TBXAS1: variants seen among roughly 807,000 people sequenced by gnomAD.
The protein encoded by TBXAS1 is thromboxane A synthase 1, also known as thromboxane-A synthase.
In TBXAS1, 48 loss-of-function variants were observed where a neutral mutation model predicts 60.7. That is an observed-to-expected ratio of 0.79 (90% CI 0.63 to 1.01). The LOEUF (loss-of-function observed/expected upper bound fraction) is 1.01, where lower values mean the gene tolerates loss of function less well. Ranked by LOEUF, TBXAS1 falls within the 50% of genes least tolerant of loss-of-function variation. TBXAS1 has a pLI of 0.00. For synonymous variants in TBXAS1, 287 were observed against 269.7 expected, an observed-to-expected ratio of 1.06 and a Z score of -0.63; for missense variants, 685 against 686.3, an observed-to-expected ratio of 1.00 and a Z score of 0.02.
At chr7:139,958,473 T>A (rs1810051130) in intron 8 of TBXAS1, among the ~76,000 whole-genome samples, 1 of 152,228 alleles carries the variant, frequency 6.6e-6, no homozygotes, top group African/African-American at 2.4e-5. Flanking sequence ...ATCTGGGCTT[T>A]AAAGCCCTTG....
At chr7:139,971,154 G>A (rs1391832532) in intron 9 of TBXAS1, among the ~76,000 whole-genome samples, 1 of 152,132 alleles carries the variant, frequency 6.6e-6, no homozygotes, top group Non-Finnish European at 1.5e-5. Flanking sequence ...GGAAGCATCT[G>A]GCCCTGGGAA....
At chr7:139,946,231 T>C (rs934136510) in intron 5 of TBXAS1, among the ~76,000 whole-genome samples, 2 of 152,144 alleles carry the variant, frequency 1.3e-5, no homozygotes, top group Non-Finnish European at 2.9e-5. Context: ...ATATTAATAC[T>C]TGAGGGGCTG....
intron 9 of TBXAS1, among the ~76,000 whole-genome samples, chr7:139,988,654 T>C (rs1412339877): frequency 1.6e-4 from 24 of 151,958 alleles, no homozygotes; most frequent in Non-Finnish European, 7.4e-5. Flanking sequence ...GCCTGGCCCC[T>C]CCAAAGCCTC....
chr7:139,820,083 G>T (rs1278357923), intron 4 of TBXAS1, among the ~76,000 whole-genome samples: 2 of 151,936 alleles, frequency 1.3e-5, no homozygotes, highest in Non-Finnish European at 2.9e-5. Context: ...GTCTCCTTAT[G>T]CCTGCTCCCA....
intron 4 of TBXAS1, among the ~76,000 whole-genome samples, chr7:139,806,468 G>A (rs924103583): frequency 4.0e-5 from 6 of 151,234 alleles, no homozygotes; most frequent in African/African-American, 1.5e-4. Context: ...TTGCCATGTT[G>A]CCCAGGCTGG....
rs75348102 is a variant in TBXAS1, at chr7:139,804,968, A to G, written c.-80+17542A>G. ...GAGGAAAGATCTCTCTTGACTATGC[A>G]TTCCCCCAAAAGTAATGTGAATGGA... On this transcript the variant is annotated intron_variant, in intron 4 of 16. Transcript: ENST00000336425. Among the ~76,000 whole-genome samples the G allele has an allele frequency of 1.8e-3, 274 of 152,358 alleles. 2 individuals are homozygous for G. Among genetic ancestry groups the G allele is most frequent in the African/African-American group, 6.4e-3 (266 of 41,586 alleles).
At chr7:139,894,423 G>C (rs1803913505) in intron 3 of TBXAS1, among the ~76,000 whole-genome samples, 2 of 152,054 alleles carry the variant, frequency 1.3e-5, no homozygotes, top group Non-Finnish European at 2.9e-5. Flanking sequence ...TGTGACTGGA[G>C]CCCTCATTAA....
At chr7:139,890,544 AT>A (rs983922028) in intron 3 of TBXAS1, among the ~76,000 whole-genome samples, 7 of 152,000 alleles carry the variant, frequency 4.6e-5, no homozygotes, top group Non-Finnish European at 1.0e-4. Context: ...ACCACAGAAC[AT>A]TTTTCCCCCC....
intron 3 of TBXAS1, among the ~76,000 whole-genome samples, chr7:139,887,863 G>C (rs1803239684): frequency 6.6e-6 from 1 of 152,154 alleles, no homozygotes; most frequent in Non-Finnish European, 1.5e-5. Context: ...TTTCCATAGT[G>C]ACCATACCAT....
intron 9 of TBXAS1, among the ~76,000 whole-genome samples, chr7:139,976,046 C>G (rs1231046120): frequency 6.6e-6 from 1 of 152,244 alleles, no homozygotes; most frequent in Non-Finnish European, 1.5e-5. Context: ...TGGGTTCCAT[C>G]CCTCTGGGAT....
chr7:139,943,738 G>A (rs1356267342), intron 5 of TBXAS1, among the ~76,000 whole-genome samples: 3 of 152,192 alleles, frequency 2.0e-5, no homozygotes, highest in African/African-American at 4.8e-5. Flanking sequence ...AAAAGGAGTC[G>A]TGGATGTTTT....
At chr7:139,985,256 C>A (rs1387643677) in intron 9 of TBXAS1, among the ~76,000 whole-genome samples, 1 of 152,250 alleles carries the variant, frequency 6.6e-6, no homozygotes, top group Non-Finnish European at 1.5e-5. Flanking sequence ...CCTCTGGCTT[C>A]TGCAGCTTTT....
At chr7:140,011,281 AAAACAAAC>A (rs71831377) in intron 10 of TBXAS1, among the ~76,000 whole-genome samples, 8 of 144,468 alleles carry the variant, frequency 5.5e-5, no homozygotes, top group South Asian at 2.2e-4. Context: ...TGTCTCAAAA[AAAACAAAC>A]AAACAAACAA....
intron 3 of TBXAS1, among the ~76,000 whole-genome samples, chr7:139,787,162 A>C (rs1483898440): frequency 1.3e-5 from 2 of 152,194 alleles, no homozygotes; most frequent in African/African-American, 4.8e-5. Context: ...AAAACAAATA[A>C]TCTTTTGTCA....
In TBXAS1 at chr7:139,955,576, C is replaced by A. The variant is rs772258904; in HGVS notation, c.657C>A (p.Phe219Leu). The A allele has an allele frequency of 1.2e-6, 2 of 1,614,240 alleles. No individual in the cohort carries two copies. The highest frequency in any genetic ancestry group is 1.6e-4 in the Middle Eastern group (1 of 6,062). ...AACACTGCAAGCGTTTCTTCGAATT[C>A]TGCATCCCCAGACCTATCCTGGTTT... is the stretch of plus-strand genomic sequence containing the variant. Reference protein sequence around the residue: ...FVKHCKRFFEFCIPRPILVLL... With the variant: ...FVKHCKRFFELCIPRPILVLL... Residue 219 changes from phenylalanine (F) to leucine (L), a missense_variant, in exon 7 of 13, where the codon TTC becomes TTA. Physicochemically the swap from Phe to Leu is conservative, Grantham distance 22. Transcript: ENST00000448866.
chr7:139,952,012 A>AAGAAAGAAAGAAAGAAAGAAAGAAAGAG lies in TBXAS1; in HGVS notation c.451-1355_451-1354insGAAAGAAAGAAAGAAAGAAAGAAAGAGA, dbSNP rs746618111. Among the ~76,000 whole-genome samples, 12 of 111,232 alleles carry AAGAAAGAAAGAAAGAAAGAAAGAAAGAG rather than the reference A, an allele frequency of 1.1e-4. 2 individuals carry two copies. Among genetic ancestry groups the AAGAAAGAAAGAAAGAAAGAAAGAAAGAG allele is most frequent in the Non-Finnish European group, 1.1e-4 (5 of 47,236 alleles). 73.0% of individuals were successfully genotyped at this position (111,232 alleles called of 152,430 possible). On this transcript the variant is annotated intron_variant, in intron 5 of 12. Coordinates refer to ENST00000448866, the MANE Select transcript of TBXAS1 (RefSeq NM_001061.7). ...AAAGAAAGAAAGAAAGAAAGAAAGA[A>AAGAAAGAAAGAAAGAAAGAAAGAAAGAG]AAAGAAAGGAAGGAAGGAGGGAAGG...
At chr7:139,790,402 T>C (rs1263852663) in intron 4 of TBXAS1, among the ~76,000 whole-genome samples, 1 of 152,378 alleles carries the variant, frequency 6.6e-6, no homozygotes, top group Non-Finnish European at 1.5e-5. Flanking sequence ...TTTCTTTCAC[T>C]TTCCCAACTG....
chr7:139,967,925 G>A (rs1052210356), intron 9 of TBXAS1, among the ~76,000 whole-genome samples: 8 of 152,120 alleles, frequency 5.3e-5, no homozygotes, highest in South Asian at 2.1e-4. Context: ...GTATAAGTCC[G>A]GCAGTGCCTG....
rs13223168 is a variant in TBXAS1, at chr7:139,999,088, C to T, written c.1135-8003C>T. 6.6e-6 allele frequency among the ~76,000 whole-genome samples: 1 copy of T among 152,192 alleles called. No homozygotes were observed. Among genetic ancestry groups the T allele is most frequent in the Admixed American group, 6.5e-5 (1 of 15,284 alleles). ...ATGTGGATGGAAAGATTTATCACCC[C>T]CTCTCATAACCAAACCTCCATCGTA... On this transcript the variant is annotated intron_variant, in intron 9 of 12. Coordinates refer to ENST00000448866, the MANE Select transcript of TBXAS1 (RefSeq NM_001061.7). This position sits in a 1 kb window ranked among gnomAD's most constrained non-coding sequence, Gnocchi z 4.3.
Sources: gnomAD v4.1 joint callset for allele counts (sites outside exome capture counted in the v4.1 genomes callset) on GRCh38, gnomAD v4.1.1 for gene constraint, Gnocchi (gnomAD v3.1) non-coding constraint, MANE v1.5 for transcripts, NCBI Gene and HGNC (gene_info 2026-07-23, HGNC 2026-07-21) for gene names.